Variants in ZNF746 observed in about 807,000 individuals in gnomAD.
The protein encoded by ZNF746 is zinc finger protein 746, also known as parkin-interacting substrate.
A neutral mutation model predicts 41.0 loss-of-function variants in ZNF746; 13 were observed. The observed-to-expected ratio is 0.32, with a 90% confidence interval of 0.21 to 0.50. ZNF746 has a LOEUF of 0.50. Among genes scored for constraint, ZNF746 ranks in the 20% least tolerant of loss-of-function variants. The pLI is 0.98. For missense variants in ZNF746, 811 were observed against 922.9 expected, an observed-to-expected ratio of 0.88 and a Z score of 1.57; for synonymous variants, 424 against 396.2, an observed-to-expected ratio of 1.07 and a Z score of -0.83.
At chr7:149,488,970 G>T (rs1178907549) in intron 4 of ZNF746, 1 of 152,120 alleles carries the variant, frequency 6.6e-6, no homozygotes, top group Non-Finnish European at 1.5e-5. Flanking sequence ...GTTGCTTCTG[G>T]AATATTAAGC....
rs776500157 is a variant in ZNF746 at position 149,476,980 on chromosome 7, A to G, written c.825T>C (p.His275=). Reference sequence around the variant, plus strand: ...TCCCGTCCGAGCATGCTGAAGAGGGATGGTGGGGAGGGAGATCCGTTTGCC... The same window carrying G: ...TCCCGTCCGAGCATGCTGAAGAGGGGTGGTGGGGAGGGAGATCCGTTTGCC... ...TSWQTDLPPH[H]PSSACSDGTL... The change falls in exon 6 of 7, where the codon CAT becomes CAC. Residue 275 remains histidine, a synonymous_variant. Transcript: ENST00000458143. The G allele has an allele frequency of 1.2e-5, 19 of 1,613,344 alleles. No homozygotes were observed. In the Admixed American group the frequency reaches 3.2e-4, roughly 27 times the overall value.
At chr7:149,483,723 C>A (rs1800546578) in intron 4 of ZNF746, among the ~76,000 whole-genome samples, 1 of 151,136 alleles carries the variant, frequency 6.6e-6, no homozygotes, top group African/African-American at 2.4e-5. Flanking sequence ...GGAAATAATA[C>A]ATATAAGAGT....
intron 5 of ZNF746, among the ~76,000 whole-genome samples, chr7:149,477,355 A>G (rs1800340090): frequency 6.6e-6 from 1 of 152,196 alleles, no homozygotes; most frequent in South Asian, 2.1e-4. Flanking sequence ...GAACAGGGCC[A>G]GAGAGACACC....
chr7:149,475,330 T>TC lies in ZNF746; in HGVS notation c.1036dup (p.Glu346GlyfsTer23). 6.2e-7 allele frequency: 1 copy of TC among 1,614,076 alleles called. No homozygotes were observed. On this transcript the variant is annotated frameshift_variant, in exon 7 of 7. Transcript: ENST00000458143. LOFTEE classifies it low-confidence loss of function (END_TRUNC). ...GCTGGGGAAGGAGCTGCCCTGGCTTTCCCAGGCTCCTTCCTGGGCAGGACT... is the reference window on the plus strand; with the variant it reads ...GCTGGGGAAGGAGCTGCCCTGGCTTTCCCCAGGCTCCTTCCTGGGCAGGACT...
chr7:149,486,461 G>A (rs1422995712), intron 4 of ZNF746, among the ~76,000 whole-genome samples: 1 of 150,298 alleles, frequency 6.7e-6, no homozygotes, highest in African/African-American at 2.4e-5. Flanking sequence ...CCCACCAACA[G>A]TAGAAGGAAT....
chr7:149,481,431 G>A lies in ZNF746; in HGVS notation c.566-3676C>T, dbSNP rs377766833. On this transcript the variant is annotated intron_variant, in intron 4 of 6. Coordinates refer to ENST00000458143, the MANE Select transcript of ZNF746 (RefSeq NM_001394198.1). ...ATGCTATGTAGATAGTTGCTACACT[G>A]TATTGTTCAGAGAATAATGACAAGA... is the stretch of plus-strand genomic sequence containing the variant. Among the ~76,000 whole-genome samples, 351 of 152,266 alleles carry A rather than the reference G, an allele frequency of 2.3e-3. 15 individuals are homozygous for A. In the South Asian group the frequency reaches 0.07, roughly 30 times the overall value.
rs1800241997 is a variant in ZNF746, at chr7:149,474,990, G to A, written c.1377C>T (p.His459=). The change falls in exon 7 of 7, where the codon CAC becomes CAT. Residue 459 remains histidine, a synonymous_variant. Transcript: ENST00000458143. The surrounding 1 kb of genome is among the most constrained non-coding windows in gnomAD (Gnocchi z 6.3). ...GFGHKPGLKK[H]PAAPPGGRPF... The stretch of plus-strand genomic sequence containing the variant: ...GCCGGCCCCCGGGGGGCGCCGCGGG[G>A]TGCTTCTTCAGCCCTGGCTTGTGGC... 2.6e-6 allele frequency: 4 copies of A among 1,548,932 alleles called. No individual in the cohort carries two copies. The highest frequency in any genetic ancestry group is 2.4e-5 in the East Asian group (1 of 41,178).
At chr7:149,479,724 C>A (rs1161600826) in intron 4 of ZNF746, among the ~76,000 whole-genome samples, 1 of 152,134 alleles carries the variant, frequency 6.6e-6, no homozygotes, top group Non-Finnish European at 1.5e-5. Context: ...AAATTCCTCC[C>A]AATGTGGAAT....
Position 149,474,836 on chromosome 7 carries a change from CGCCGCCACT to C in ZNF746, c.1522_1530del (p.Ser508_Gly510del). The C allele has an allele frequency of 6.4e-6, 9 of 1,410,820 alleles. No individual in the cohort carries two copies. The highest frequency in any genetic ancestry group is 7.4e-6 in the Non-Finnish European group (8 of 1,087,626). 87.4% of individuals were successfully genotyped at this position (1,410,820 alleles called of 1,614,324 possible). A position where few individuals can be genotyped will look rare whatever the true frequency, so the allele number is the denominator to read the frequency against. On this transcript the variant is annotated inframe_deletion, in exon 7 of 7. Coordinates refer to ENST00000458143, the MANE Select transcript of ZNF746 (RefSeq NM_001394198.1). This position sits in a 1 kb window ranked among gnomAD's most constrained non-coding sequence, Gnocchi z 6.3. Reference sequence around the variant, plus strand: ...CTGCCCCCACCGCTGCCGCCACCGCCGCCGCCACTGCCGCTGCCGCCACCGCCTGTGCCC... The same window carrying C: ...CTGCCCCCACCGCTGCCGCCACCGCCGCCGCTGCCGCCACCGCCTGTGCCC...
In ZNF746 at chr7:149,474,324, C is replaced by A; in HGVS notation, c.*60G>T. 1 of 1,547,960 alleles carries A rather than the reference C, an allele frequency of 6.5e-7. No individual in the cohort carries two copies. The highest frequency in any genetic ancestry group is 8.7e-7 in the Non-Finnish European group (1 of 1,144,864). On this transcript the variant is annotated 3_prime_UTR_variant, in exon 7 of 7. Coordinates refer to ENST00000458143, the MANE Select transcript of ZNF746 (RefSeq NM_001394198.1). The surrounding 1 kb of genome is among the most constrained non-coding windows in gnomAD (Gnocchi z 6.3). ...TGCCTGAAGCTTCCACGCCGCCCTG[C>A]TGCCTGCACACGGGGCTTTTTACAC...
In ZNF746 at chr7:149,494,667, T is replaced by C. The variant is rs577279190; in HGVS notation, c.25-164A>G. On this transcript the variant is annotated intron_variant, in intron 1 of 6. Transcript: ENST00000458143. The surrounding 1 kb of genome is among the most constrained non-coding windows in gnomAD (Gnocchi z 5.6). The stretch of plus-strand genomic sequence containing the variant: ...GATCTCAGGTTGGCCATCACCTGCT[T>C]GGGTATGTTAGGTCTATGTCTGGGT... Among the ~76,000 whole-genome samples, 1 of 151,402 alleles carries C rather than the reference T, an allele frequency of 6.6e-6. No homozygotes were observed. Among genetic ancestry groups the C allele is most frequent in the Non-Finnish European group, 1.5e-5 (1 of 67,878 alleles).
chr7:149,475,616 G>A (rs1413308153), intron 6 of ZNF746, 133 bp from the exon 7 acceptor site: 3 of 1,444,360 alleles, frequency 2.1e-6, no homozygotes, highest in South Asian at 2.7e-5. Context: ...GAGCCCAGAG[G>A]GCAGCTCAGC....
In ZNF746 at chr7:149,473,597, A is replaced by G. The variant is rs560191349; in HGVS notation, c.*787T>C. 3.3e-5 allele frequency: 5 copies of G among 152,440 alleles called. No homozygotes were observed. The highest frequency in any genetic ancestry group is 1.2e-4 in the African/African-American group (5 of 41,584). The allele number at this position is 152,440 out of a possible 1,614,324, so 9.4% of individuals were successfully genotyped here. ...TTTGCTCCCAGCTCTGCTGAGAGCTAGACGTTTGTGGTGCAGCTCCCCAGT... is the reference window on the plus strand; with the variant it reads ...TTTGCTCCCAGCTCTGCTGAGAGCTGGACGTTTGTGGTGCAGCTCCCCAGT... On this transcript the variant is annotated 3_prime_UTR_variant, in exon 7 of 7. Transcript: ENST00000458143.
chr7:149,494,149 A>C lies in ZNF746; in HGVS notation c.325-34T>G. 1.2e-6 allele frequency: 2 copies of C among 1,613,984 alleles called. No individual in the cohort carries two copies. Among genetic ancestry groups the C allele is most frequent in the Non-Finnish European group, 1.7e-6 (2 of 1,179,920 alleles). On this transcript the variant is annotated intron_variant, in intron 2 of 6. Coordinates refer to ENST00000458143, the MANE Select transcript of ZNF746 (RefSeq NM_001394198.1). The surrounding 1 kb of genome is among the most constrained non-coding windows in gnomAD (Gnocchi z 5.6). ...ACAAGTGTCACACTCGCTCACCCACACGCTCACGGGTTTGGCCGCTTGGGC... is the reference window on the plus strand; with the variant it reads ...ACAAGTGTCACACTCGCTCACCCACCCGCTCACGGGTTTGGCCGCTTGGGC...
At chr7:149,477,147 C>T (rs1352469530) in intron 5 of ZNF746, 100 bp from the exon 6 acceptor site, 2 of 1,423,100 alleles carry the variant, frequency 1.4e-6, no homozygotes, top group African/African-American at 1.4e-5. Flanking sequence ...GGTCCCCCCA[C>T]TGGGGGCTTT....
At chr7:149,493,963 A>G in intron 3 of ZNF746, 26 bp downstream of exon 3, 1 of 1,614,220 alleles carries the variant, frequency 6.2e-7, no homozygotes, top group Non-Finnish European at 8.5e-7. Context: ...ATCCCATTTA[A>G]CAGAGAAATG....
intron 4 of ZNF746, among the ~76,000 whole-genome samples, chr7:149,487,318 T>TA (rs1800657989): frequency 6.6e-6 from 1 of 152,182 alleles, no homozygotes; most frequent in Non-Finnish European, 1.5e-5. Context: ...TTTGATACAA[T>TA]ATAACACTTG....
At chr7:149,491,188 T>C (rs1800794329) in intron 4 of ZNF746, 1 of 152,490 alleles carries the variant, frequency 6.6e-6, no homozygotes, top group South Asian at 2.1e-4. Flanking sequence ...CACAGATCCC[T>C]GCCAACAGGC....
Position 149,474,105 on chromosome 7 carries a change from C to T in ZNF746, c.*279G>A, listed in dbSNP as rs1201712313. ...TATTACTATTTTCCAGCTTTTTCCT[C>T]AAGAATTAAAAAAAAACAAAAAACA... On this transcript the variant is annotated 3_prime_UTR_variant, in exon 7 of 7. Coordinates refer to ENST00000458143, the MANE Select transcript of ZNF746 (RefSeq NM_001394198.1). This position sits in a 1 kb window ranked among gnomAD's most constrained non-coding sequence, Gnocchi z 6.3. 3 of 475,552 alleles carry T rather than the reference C, an allele frequency of 6.3e-6. No homozygotes were observed. The East Asian group carries it at 1.2e-4, about 19-fold the overall frequency. 29.5% of individuals were successfully genotyped at this position (475,552 alleles called of 1,614,324 possible). A position where few individuals can be genotyped will look rare whatever the true frequency, so the allele number is the denominator to read the frequency against.
Sources: gnomAD v4.1 joint callset for allele counts (sites outside exome capture counted in the v4.1 genomes callset) on GRCh38, gnomAD v4.1.1 for gene constraint, Gnocchi (gnomAD v3.1) non-coding constraint, MANE v1.5 for transcripts, NCBI Gene and HGNC (gene_info 2026-07-23, HGNC 2026-07-21) for gene names.